The following KTN1 variants were observed in gnomAD, a reference collection of about 807,000 sequenced individuals.
The protein encoded by KTN1 is kinectin 1.
In KTN1, 130 loss-of-function variants were observed where a neutral mutation model predicts 222.5. The observed-to-expected ratio is 0.58, with a 90% CI of 0.51 to 0.68. The LOEUF (loss-of-function observed/expected upper bound fraction) is 0.68, where lower values mean the gene tolerates loss of function less well. Ranked by LOEUF, KTN1 falls within the 30% of genes least tolerant of loss-of-function variation. The pLI is 0.00. For synonymous variants in KTN1, 512 were observed against 496.3 expected, an observed-to-expected ratio of 1.03 and a Z score of -0.42; for missense variants, 1,508 against 1,500.4, an observed-to-expected ratio of 1.01 and a Z score of -0.08.
chr14:55,667,203 G>A (rs748747996), intron 33 of KTN1, 38 bp from the exon 34 acceptor site: 10 of 1,165,744 alleles, frequency 8.6e-6, no homozygotes, highest in Non-Finnish European at 1.3e-5. Flanking sequence ...AACATTCTGT[G>A]ATCTTGTAAG....
intron 4 of KTN1, 47 bp downstream of exon 4, chr14:55,618,181 T>A: frequency 2.2e-6 from 3 of 1,375,722 alleles, no homozygotes; most frequent in Non-Finnish European, 3.0e-6. Flanking sequence ...AAAACACATT[T>A]CTGAGTTCTG....
chr14:55,593,925 T>A lies in KTN1; in HGVS notation c.-31+13571T>A, dbSNP rs567755587. Among the ~76,000 whole-genome samples the A allele has an allele frequency of 3.3e-5, 5 of 152,136 alleles. No individual in the cohort carries two copies. The East Asian group carries it at 9.6e-4, about 29-fold the overall frequency. The stretch of plus-strand genomic sequence containing the variant: ...GTCAGGCGATGAACCTTGTTCTGTT[T>A]TGTTGCTGTTACCTTTAGGAACTGA... On this transcript the variant is annotated intron_variant, in intron 1 of 43. Transcript: ENST00000395314.
chr14:55,640,188 CAT>C (rs942512807), intron 14 of KTN1, among the ~76,000 whole-genome samples, 184 bp from the exon 15 acceptor site: 3 of 151,854 alleles, frequency 2.0e-5, no homozygotes, highest in African/African-American at 4.8e-5. Flanking sequence ...GGGCTTCTCT[CAT>C]GTGATATAAT....
intron 1 of KTN1, among the ~76,000 whole-genome samples, chr14:55,597,625 G>A (rs1268426798): frequency 2.0e-5 from 3 of 152,042 alleles, no homozygotes; most frequent in Non-Finnish European, 4.4e-5. Flanking sequence ...AGGCCGAGGC[G>A]GGCAGATCAC....
At chr14:55,617,943 T>A in intron 3 of KTN1, 21 bp from the exon 4 acceptor site, 1 of 1,527,334 alleles carries the variant, frequency 6.5e-7, no homozygotes, top group Non-Finnish European at 8.8e-7. Context: ...TAATTATGAT[T>A]TTGTTGAACT....
intron 18 of KTN1, chr14:55,644,322 T>C (rs1432430753): frequency 1.4e-6 from 1 of 697,452 alleles, no homozygotes; most frequent in Non-Finnish European, 2.6e-6. Context: ...AAAATTTCAG[T>C]CCTTTTACCC....
At chr14:55,624,671 T>C (rs574001296) in intron 5 of KTN1, among the ~76,000 whole-genome samples, 1 of 152,150 alleles carries the variant, frequency 6.6e-6, no homozygotes, top group Admixed American at 6.5e-5. Flanking sequence ...GGCTCAAGAA[T>C]GAACCCCAGG....
intron 43 of KTN1, chr14:55,680,593 G>A (rs1233525223): frequency 1.6e-6 from 1 of 609,810 alleles, no homozygotes. Context: ...ACTGTGTTGG[G>A]CTATACAAGG....
intron 2 of KTN1, among the ~76,000 whole-genome samples, chr14:55,614,543 T>TA (rs2038067321): frequency 6.6e-6 from 1 of 152,200 alleles, no homozygotes; most frequent in South Asian, 2.1e-4. Context: ...TTCCTTTTTT[T>TA]ATGCCCATGA....
At chr14:55,594,515 T>C (rs1176205511) in intron 1 of KTN1, among the ~76,000 whole-genome samples, 1 of 151,774 alleles carries the variant, frequency 6.6e-6, no homozygotes, top group Non-Finnish European at 1.5e-5. Flanking sequence ...TTTTTTTTTT[T>C]TCATTTTTGA....
chr14:55,658,456 A>C (rs1205462121), intron 29 of KTN1, 90 bp from the exon 30 acceptor site: 1 of 770,146 alleles, frequency 1.3e-6, no homozygotes, highest in African/African-American at 1.8e-5. Flanking sequence ...GAATTTTTCT[A>C]GCTTGTATGA....
At chr14:55,652,550 C>CGCT (rs2043031653) in intron 25 of KTN1, among the ~76,000 whole-genome samples, 2 of 152,072 alleles carry the variant, frequency 1.3e-5, no homozygotes, top group Admixed American at 6.6e-5. Context: ...AGGCGCGTAC[C>CGCT]ACCACGCCCG....
At chr14:55,586,017 G>T (rs989355089) in intron 1 of KTN1, among the ~76,000 whole-genome samples, 2 of 152,140 alleles carry the variant, frequency 1.3e-5, no homozygotes, top group Non-Finnish European at 2.9e-5. Context: ...CTGCATTTTC[G>T]CTGGAAAATG....
At chr14:55,624,834 T>TC (rs2039596602) in intron 5 of KTN1, among the ~76,000 whole-genome samples, 1 of 152,148 alleles carries the variant, frequency 6.6e-6, no homozygotes, top group Non-Finnish European at 1.5e-5. Flanking sequence ...TAACATGCTT[T>TC]AGAGATGTCA....
At chr14:55,669,899 A>C (rs1277873175) in intron 34 of KTN1, among the ~76,000 whole-genome samples, 4 of 152,054 alleles carry the variant, frequency 2.6e-5, no homozygotes, top group African/African-American at 9.7e-5. Context: ...GCAGTTAATA[A>C]AAATTTCATG....
chr14:55,641,658 TAATAAAA>T, intron 17 of KTN1, 27 bp from the exon 18 acceptor site: 1 of 1,332,048 alleles, frequency 7.5e-7, no homozygotes, highest in Admixed American at 1.7e-5. Flanking sequence ...CCTTTTTTCT[TAATAAAA>T]CAGTAAATTG....
chr14:55,597,869 A>C (rs2035314293), intron 1 of KTN1, among the ~76,000 whole-genome samples: 1 of 152,030 alleles, frequency 6.6e-6, no homozygotes, highest in Admixed American at 6.5e-5. Flanking sequence ...AAAAGTAGAA[A>C]TGTAGGTTGT....
At chr14:55,602,097 G>A (rs144503618) in intron 1 of KTN1, among the ~76,000 whole-genome samples, 292 of 152,226 alleles carry the variant, frequency 1.9e-3, no homozygotes, top group African/African-American at 6.9e-3. Context: ...TAGTTGATTT[G>A]AATGATACAG....
intron 7 of KTN1, 79 bp downstream of exon 7, chr14:55,630,176 C>T (rs954420293): frequency 1.6e-5 from 20 of 1,264,586 alleles, no homozygotes; most frequent in Non-Finnish European, 2.3e-5. Flanking sequence ...CTAGTATGTA[C>T]AAGGCCCTTT....
Sources: allele counts gnomAD v4.1 joint callset (sites outside exome capture counted in the v4.1 genomes callset), GRCh38; gene constraint gnomAD v4.1.1; transcripts MANE v1.5; gene names NCBI Gene and HGNC (gene_info 2026-07-23, HGNC 2026-07-21).